LRRC4C: variants seen among roughly 807,000 people sequenced by gnomAD.
The protein encoded by LRRC4C is leucine rich repeat containing 4C, also known as leucine-rich repeat-containing protein 4C.
Under a neutral mutation model 33.6 loss-of-function variants are expected in LRRC4C, and 5 were observed. That is an observed-to-expected ratio of 0.15 (90% CI 0.08 to 0.31). The LOEUF is 0.31. Among genes scored for constraint, LRRC4C ranks in the 10% least tolerant of loss-of-function variants. The pLI is 1.00. For synonymous variants in LRRC4C, 329 were observed against 302.0 expected (o/e 1.09, Z -0.93); for missense variants, 560 against 796.7 (o/e 0.70, Z 3.58).
chr11:40,139,600 C>T (rs1392798703), intron 6 of LRRC4C, among the ~76,000 whole-genome samples: 1 of 152,032 alleles, frequency 6.6e-6, no homozygotes, highest in African/African-American at 2.4e-5. Flanking sequence ...CTTCAGAGGC[C>T]TCATGCCAAT....
intron 2 of LRRC4C, among the ~76,000 whole-genome samples, chr11:40,761,282 T>G (rs1949198712): frequency 6.6e-6 from 1 of 152,128 alleles, no homozygotes; most frequent in African/African-American, 2.4e-5. Flanking sequence ...AAAATTGCAG[T>G]GTTAACTATA....
chr11:41,124,086 C>A (rs1942615149), intron 1 of LRRC4C, among the ~76,000 whole-genome samples: 1 of 152,094 alleles, frequency 6.6e-6, no homozygotes, highest in Non-Finnish European at 1.5e-5. Context: ...ACAATTTTAT[C>A]TTTACAAGAA....
At chr11:41,293,876 T>A (rs879355396) in intron 1 of LRRC4C, among the ~76,000 whole-genome samples, 7 of 152,112 alleles carry the variant, frequency 4.6e-5, no homozygotes, top group Non-Finnish European at 7.4e-5. Flanking sequence ...GGATTACAGG[T>A]GTGAGCCACC....
At chr11:40,528,477 A>T (rs79691741) in intron 3 of LRRC4C, among the ~76,000 whole-genome samples, 14,161 of 151,610 alleles carry the variant, frequency 0.093, 791 homozygotes, top group Middle Eastern at 0.15. Context: ...GATGTCTTTT[A>T]TAAAAAAAAA....
chr11:41,344,013 C>T (rs1951720440), intron 1 of LRRC4C, among the ~76,000 whole-genome samples: 1 of 152,102 alleles, frequency 6.6e-6, no homozygotes, highest in South Asian at 2.1e-4. Flanking sequence ...CCAGAGCCTT[C>T]CATTATCTGA....
intron 2 of LRRC4C, among the ~76,000 whole-genome samples, chr11:40,916,024 A>G (rs954260577): frequency 1.3e-5 from 2 of 152,150 alleles, no homozygotes; most frequent in African/African-American, 2.4e-5. Flanking sequence ...TTAGAATGGC[A>G]ATCATTAAAA....
intron 3 of LRRC4C, among the ~76,000 whole-genome samples, chr11:40,630,684 A>G (rs571962162): frequency 3.3e-5 from 5 of 152,240 alleles, no homozygotes; most frequent in South Asian, 4.1e-4. Flanking sequence ...AGTATCATTC[A>G]ATTGTCAGCA....
At chr11:40,529,319 T>G (rs969585967) in intron 3 of LRRC4C, among the ~76,000 whole-genome samples, 12 of 152,098 alleles carry the variant, frequency 7.9e-5, no homozygotes, top group African/African-American at 2.7e-4. Context: ...GTATATTATA[T>G]TCTATATTTA....
intron 1 of LRRC4C, among the ~76,000 whole-genome samples, chr11:40,996,102 G>C (rs1853951909): frequency 6.6e-6 from 1 of 152,080 alleles, no homozygotes; most frequent in Admixed American, 6.6e-5. Flanking sequence ...AGTATTCTTT[G>C]AAAATACAGG....
At chr11:40,431,319 C>T (rs1950924107) in intron 3 of LRRC4C, among the ~76,000 whole-genome samples, 2 of 145,748 alleles carry the variant, frequency 1.4e-5, no homozygotes, top group East Asian at 2.1e-4. Flanking sequence ...CCCAGCTACT[C>T]AGGAGGCAGA....
At chr11:41,374,573 C>T (rs1225400498) in intron 1 of LRRC4C, among the ~76,000 whole-genome samples, 2 of 151,998 alleles carry the variant, frequency 1.3e-5, no homozygotes, top group African/African-American at 4.8e-5. Context: ...AAAAGACGGA[C>T]TATTTTAGAT....
intron 2 of LRRC4C, among the ~76,000 whole-genome samples, chr11:40,808,055 GT>G (rs1951329462): frequency 6.6e-6 from 1 of 152,132 alleles, no homozygotes; most frequent in Non-Finnish European, 1.5e-5. Flanking sequence ...TTCCTTATTT[GT>G]AAAATGGGAA....
chr11:40,702,006 C>T (rs987284427), intron 2 of LRRC4C, among the ~76,000 whole-genome samples: 1 of 151,034 alleles, frequency 6.6e-6, no homozygotes, highest in Non-Finnish European at 1.5e-5. Flanking sequence ...TATAATACAC[C>T]CAAATATTTT....
At chr11:40,139,831 A>G (rs998604300) in intron 6 of LRRC4C, among the ~76,000 whole-genome samples, 1 of 152,238 alleles carries the variant, frequency 6.6e-6, no homozygotes, top group African/African-American at 2.4e-5. Flanking sequence ...CTTCCAAAAT[A>G]AACAACTACT....
chr11:41,404,758 T>C (rs1954166106), intron 1 of LRRC4C, among the ~76,000 whole-genome samples: 1 of 152,022 alleles, frequency 6.6e-6, no homozygotes, highest in African/African-American at 2.4e-5. Flanking sequence ...AAGTTAGTCA[T>C]AGGATATTTC....
chr11:40,976,894 A>G (rs1197498459), intron 1 of LRRC4C, among the ~76,000 whole-genome samples: 2 of 152,096 alleles, frequency 1.3e-5, no homozygotes, highest in Non-Finnish European at 2.9e-5. Context: ...ATTCAAGTAC[A>G]TTACATTAAT....
At chr11:40,352,110 T>C (rs372889359) in intron 3 of LRRC4C, among the ~76,000 whole-genome samples, 40 of 123,828 alleles carry the variant, frequency 3.2e-4, no homozygotes, top group Non-Finnish European at 1.7e-4. Flanking sequence ...TTCCTTTCTT[T>C]CTTCCTTCCT....
chr11:41,452,126 T>C (rs1232554801), intron 1 of LRRC4C, among the ~76,000 whole-genome samples: 1 of 152,166 alleles, frequency 6.6e-6, no homozygotes, highest in African/African-American at 2.4e-5. Flanking sequence ...TTCTTCCATT[T>C]GGAGTATCTA....
intron 2 of LRRC4C, among the ~76,000 whole-genome samples, chr11:40,717,134 G>C (rs1334256751): frequency 6.6e-6 from 1 of 152,022 alleles, no homozygotes; most frequent in Non-Finnish European, 1.5e-5. Flanking sequence ...TAAATTCCTT[G>C]GCATTCTCAG....
Sources: gnomAD v4.1 joint callset for allele counts (sites outside exome capture counted in the v4.1 genomes callset) on GRCh38, gnomAD v4.1.1 for gene constraint, MANE v1.5 for transcripts, NCBI Gene and HGNC (gene_info 2026-07-23, HGNC 2026-07-21) for gene names.